FBN2: variants seen among roughly 807,000 people sequenced by gnomAD.
The protein encoded by FBN2 is fibrillin 2.
In FBN2, 105 loss-of-function variants were observed where a neutral mutation model predicts 355.6. The ratio of observed to expected loss-of-function variants is 0.30; its 90% confidence interval spans 0.25 to 0.35. FBN2 has a LOEUF of 0.35. FBN2 is among the 10% of genes least tolerant of loss of function. The pLI is 1.00. For synonymous variants in FBN2, 1,350 were observed against 1,301.2 expected (o/e 1.04, Z -0.81); for missense variants, 3,280 against 3,758.7 (o/e 0.87, Z 3.33).
intron 11 of FBN2, among the ~76,000 whole-genome samples, chr5:128,385,283 C>T (rs149370872): frequency 6.6e-6 from 1 of 152,080 alleles, no homozygotes; most frequent in African/African-American, 2.4e-5. Context: ...GTTTAGCTAC[C>T]ACTTACAAAT....
chr5:128,324,851 C>G (rs1200754702), intron 34 of FBN2, among the ~76,000 whole-genome samples: 2 of 152,058 alleles, frequency 1.3e-5, no homozygotes, highest in Non-Finnish European at 2.9e-5. Flanking sequence ...GATCACCTGA[C>G]CTCATGATCC....
chr5:128,532,150 C>T (rs1332238224), intron 2 of FBN2, among the ~76,000 whole-genome samples: 1 of 152,208 alleles, frequency 6.6e-6, no homozygotes, highest in Non-Finnish European at 1.5e-5. Context: ...AGGCTGGTAT[C>T]TGACCTACCC....
chr5:128,489,024 G>A (rs1247066547), intron 5 of FBN2, among the ~76,000 whole-genome samples: 1 of 152,058 alleles, frequency 6.6e-6, no homozygotes, highest in African/African-American at 2.4e-5. Context: ...CCAGTAATGG[G>A]ATGGCTGGGT....
intron 7 of FBN2, among the ~76,000 whole-genome samples, chr5:128,420,637 C>T (rs1753321719): frequency 6.6e-6 from 1 of 152,090 alleles, no homozygotes; most frequent in Middle Eastern, 3.4e-3. Flanking sequence ...AACTAAATGG[C>T]CATAAATGGG....
chr5:128,413,332 G>C (rs1468288902), intron 7 of FBN2, among the ~76,000 whole-genome samples: 1 of 152,084 alleles, frequency 6.6e-6, no homozygotes, highest in African/African-American at 2.4e-5. Flanking sequence ...AAGAAAAGCA[G>C]AATAGGAGTC....
rs144280045 is a variant in FBN2, at chr5:128,286,267, A to G, written c.7012+451T>C. Among the ~76,000 whole-genome samples the G allele has an allele frequency of 3.3e-5, 5 of 152,350 alleles. No homozygotes were observed. In the East Asian group the frequency reaches 9.6e-4, roughly 29 times the overall value. On this transcript the variant is annotated intron_variant, in intron 55 of 64. Transcript: ENST00000262464. ...GTATATATAATTTTTTATATGACAC[A>G]TGTAATTCAGAATAGTTCAGAAACT...
intron 56 of FBN2, among the ~76,000 whole-genome samples, chr5:128,279,763 G>C (rs1054206382): frequency 6.6e-6 from 1 of 151,824 alleles, no homozygotes; most frequent in Non-Finnish European, 1.5e-5. Flanking sequence ...CCCATAAAAA[G>C]GTTTTATAAA....
chr5:128,404,730 A>G (rs1752883330), intron 8 of FBN2, among the ~76,000 whole-genome samples: 1 of 152,254 alleles, frequency 6.6e-6, no homozygotes, highest in African/African-American at 2.4e-5. Flanking sequence ...CCCACAGTCT[A>G]GCCAGTGAGT....
intron 5 of FBN2, among the ~76,000 whole-genome samples, chr5:128,497,248 A>G (rs1342281206): frequency 6.6e-6 from 1 of 152,202 alleles, no homozygotes; most frequent in Admixed American, 6.5e-5. Context: ...CAGACTTAGG[A>G]AAACTTAACA....
At chr5:128,265,079 C>T (rs1001738978) in intron 62 of FBN2, among the ~76,000 whole-genome samples, 22 of 152,188 alleles carry the variant, frequency 1.4e-4, no homozygotes, top group South Asian at 4.1e-4. Flanking sequence ...AGGGGAAGAA[C>T]GTAGATACGA....
intron 48 of FBN2, among the ~76,000 whole-genome samples, chr5:128,299,925 C>CTAGA (rs58763956): frequency 0.65 from 99,338 of 151,720 alleles, 33,420 homozygotes; most frequent in East Asian, 0.86. Context: ...ATTAAAAACA[C>CTAGA]TAGTCTTATA....
At chr5:128,449,368 A>G (rs1046320881) in intron 6 of FBN2, among the ~76,000 whole-genome samples, 1 of 135,002 alleles carries the variant, frequency 7.4e-6, no homozygotes, top group African/African-American at 3.0e-5. Context: ...AGTATACTGT[A>G]TAATTTATAG....
chr5:128,438,770 C>T (rs1000134424), intron 7 of FBN2, among the ~76,000 whole-genome samples: 16 of 152,072 alleles, frequency 1.1e-4, no homozygotes, highest in African/African-American at 3.9e-4. Flanking sequence ...GTCTTCCCAC[C>T]CCCAACCTTA....
intron 44 of FBN2, 69 bp from the exon 45 acceptor site, chr5:128,305,151 G>C: frequency 7.5e-7 from 1 of 1,332,812 alleles, no homozygotes; most frequent in South Asian, 1.3e-5. Context: ...TTTCACAGTT[G>C]TGTTTCTCTA....
intron 23 of FBN2, among the ~76,000 whole-genome samples, chr5:128,348,458 C>T (rs539626361): frequency 7.9e-5 from 12 of 151,990 alleles, no homozygotes; most frequent in Non-Finnish European, 1.6e-4. Flanking sequence ...CTATCAAAAA[C>T]TGAGTTAAAA....
chr5:128,469,606 T>C (rs1352397114), intron 5 of FBN2, among the ~76,000 whole-genome samples: 1 of 150,814 alleles, frequency 6.6e-6, no homozygotes, highest in Admixed American at 6.6e-5. Flanking sequence ...TATTCTAAAG[T>C]GTTAAGAGTA....
In FBN2 at chr5:128,326,084, G is replaced by A. The variant is rs145092064; in HGVS notation, c.4471+2612C>T. Among the ~76,000 whole-genome samples the A allele has an allele frequency of 8.1e-4, 124 of 152,194 alleles. 1 individual carries two copies. Among genetic ancestry groups the A allele is most frequent in the Non-Finnish European group, 1.5e-3 (102 of 68,006 alleles). The stretch of plus-strand genomic sequence containing the variant: ...CTGATTTTGTGTTTTTCTTCCTTTC[G>A]TTTTCACAGAATGCCTGCATAGTTG... On this transcript the variant is annotated intron_variant, in intron 34 of 64. Transcript: ENST00000262464.
At chr5:128,415,584 A>AT (rs1310142747) in intron 7 of FBN2, among the ~76,000 whole-genome samples, 1 of 152,098 alleles carries the variant, frequency 6.6e-6, no homozygotes, top group Non-Finnish European at 1.5e-5. Flanking sequence ...TATATATCAC[A>AT]TTTTTTTAAT....
chr5:128,381,349 TAATA>T (rs777542612), intron 11 of FBN2, among the ~76,000 whole-genome samples: 19 of 152,126 alleles, frequency 1.2e-4, no homozygotes, highest in Non-Finnish European at 2.6e-4. Flanking sequence ...ACTGATCCTT[TAATA>T]AATCTATTGC....
Sources: gnomAD v4.1 joint callset for allele counts (sites outside exome capture counted in the v4.1 genomes callset) on GRCh38, gnomAD v4.1.1 for gene constraint, MANE v1.5 for transcripts, NCBI Gene and HGNC (gene_info 2026-07-23, HGNC 2026-07-21) for gene names.